The following FARS2 variants were observed in gnomAD, a reference collection of about 807,000 sequenced individuals.
The protein encoded by FARS2 is phenylalanyl-tRNA synthetase 2, mitochondrial.
A neutral mutation model predicts 46.4 loss-of-function variants in FARS2; 40 were observed. The observed-to-expected ratio is 0.86, with a 90% CI of 0.67 to 1.12. FARS2 has a LOEUF of 1.12. FARS2 is among the 50% of genes most tolerant of loss of function. FARS2 has a pLI of 0.00. For synonymous variants in FARS2, 234 were observed against 214.9 expected, an observed-to-expected ratio of 1.09 and a Z score of -0.78; for missense variants, 513 against 567.9, an observed-to-expected ratio of 0.90 and a Z score of 0.98.
intron 1 of FARS2, among the ~76,000 whole-genome samples, chr6:5,356,779 A>G (rs1259213058): frequency 6.6e-6 from 1 of 152,212 alleles, no homozygotes; most frequent in Non-Finnish European, 1.5e-5. Flanking sequence ...ACTGTTTGCT[A>G]ATTTAGCGGT....
At chr6:5,538,673 G>A (rs904155088) in intron 4 of FARS2, among the ~76,000 whole-genome samples, 3 of 152,126 alleles carry the variant, frequency 2.0e-5, no homozygotes, top group South Asian at 2.1e-4. Flanking sequence ...GAGTGGTCAC[G>A]TCCTTCACAG....
chr6:5,483,179 A>G (rs1303370802), intron 4 of FARS2, among the ~76,000 whole-genome samples: 1 of 152,240 alleles, frequency 6.6e-6, no homozygotes, highest in Non-Finnish European at 1.5e-5. Flanking sequence ...TATTCAGTGC[A>G]GTGGATACTA....
intron 6 of FARS2, among the ~76,000 whole-genome samples, chr6:5,615,121 T>C (rs1362867001): frequency 6.6e-6 from 1 of 152,242 alleles, no homozygotes; most frequent in Non-Finnish European, 1.5e-5. Context: ...TATCATTGTG[T>C]TTCACAAATT....
intron 6 of FARS2, among the ~76,000 whole-genome samples, chr6:5,632,950 ATCCTTCCTTCCCTCCCTCATTTTTTCCT>A (rs1776366635): frequency 6.7e-6 from 1 of 148,422 alleles, no homozygotes; most frequent in Non-Finnish European, 1.5e-5. Flanking sequence ...CCTTCCTTCC[ATCCTTCCTTCCCTCCCTCATTTTTTCCT>A]TCCTTCCATC....
rs554158863 is a variant in FARS2, at chr6:5,326,302, G to A, written c.-21-42248G>A. Among the ~76,000 whole-genome samples, 14 of 152,360 alleles carry A rather than the reference G, an allele frequency of 9.2e-5. No individual in the cohort carries two copies. The South Asian group carries it at 2.5e-3, about 27-fold the overall frequency. On this transcript the variant is annotated intron_variant, in intron 1 of 6. Coordinates refer to ENST00000274680, the MANE Select transcript of FARS2 (RefSeq NM_006567.5). The stretch of plus-strand genomic sequence containing the variant: ...AGCTCAAGGTACCTGGCTAGTGACT[G>A]AAAGGACATTTCTTCTGTTCTGAGT...
At chr6:5,750,151 G>A (rs1397555819) in intron 6 of FARS2, among the ~76,000 whole-genome samples, 1 of 152,090 alleles carries the variant, frequency 6.6e-6, no homozygotes, top group Non-Finnish European at 1.5e-5. Context: ...ATCATGATAC[G>A]ACAGCATGGC....
At chr6:5,535,147 T>C (rs1450604778) in intron 4 of FARS2, among the ~76,000 whole-genome samples, 1 of 152,240 alleles carries the variant, frequency 6.6e-6, no homozygotes, top group African/African-American at 2.4e-5. Context: ...ATGAGCTTAT[T>C]GGCCATTTGT....
At chr6:5,676,150 T>C (rs1160264995) in intron 6 of FARS2, among the ~76,000 whole-genome samples, 4 of 152,188 alleles carry the variant, frequency 2.6e-5, no homozygotes. Flanking sequence ...GCACAGCCCA[T>C]TTATGTACGC....
chr6:5,416,575 CTT>C (rs1762252349), intron 3 of FARS2, among the ~76,000 whole-genome samples: 1 of 152,016 alleles, frequency 6.6e-6, no homozygotes, highest in Non-Finnish European at 1.5e-5. Context: ...ATTCTTGTAA[CTT>C]TGTTCTTTTT....
At chr6:5,716,185 A>G (rs1355752544) in intron 6 of FARS2, among the ~76,000 whole-genome samples, 3 of 152,246 alleles carry the variant, frequency 2.0e-5, no homozygotes. Flanking sequence ...ACACTTTTAA[A>G]GAACATAACT....
At chr6:5,561,923 G>A (rs1485596403) in intron 5 of FARS2, among the ~76,000 whole-genome samples, 1 of 151,766 alleles carries the variant, frequency 6.6e-6, no homozygotes, top group Non-Finnish European at 1.5e-5. Context: ...ACTTAATAAT[G>A]TTTACTTTTT....
chr6:5,333,566 A>G (rs2127581613), intron 1 of FARS2, among the ~76,000 whole-genome samples: 1 of 152,330 alleles, frequency 6.6e-6, no homozygotes, highest in East Asian at 1.9e-4. Flanking sequence ...TTTAGATAGT[A>G]TGGACATGTC....
intron 4 of FARS2, among the ~76,000 whole-genome samples, chr6:5,466,358 C>T (rs1452136245): frequency 6.6e-6 from 1 of 152,136 alleles, no homozygotes; most frequent in African/African-American, 2.4e-5. Context: ...TCTCCGGTGC[C>T]ATTGTCATGC....
intron 2 of FARS2, among the ~76,000 whole-genome samples, chr6:5,399,454 G>A (rs1263691154): frequency 6.6e-6 from 1 of 152,042 alleles, no homozygotes; most frequent in Non-Finnish European, 1.5e-5. Flanking sequence ...GGGATTGCAG[G>A]TGTCAGGATT....
chr6:5,476,284 C>T (rs533644714), intron 4 of FARS2, among the ~76,000 whole-genome samples: 1 of 152,220 alleles, frequency 6.6e-6, no homozygotes, highest in South Asian at 2.1e-4. Context: ...CCCTTTGAGT[C>T]GTGTTTTCTA....
chr6:5,730,036 C>T (rs1322079284), intron 6 of FARS2, among the ~76,000 whole-genome samples: 1 of 152,192 alleles, frequency 6.6e-6, no homozygotes. Flanking sequence ...GCAAAATTCC[C>T]TTCAGATAAG....
chr6:5,267,476 C>T (rs186223391), intron 1 of FARS2, among the ~76,000 whole-genome samples: 30 of 152,098 alleles, frequency 2.0e-4, no homozygotes, highest in South Asian at 4.2e-4. Flanking sequence ...CCAGGCCAGG[C>T]GTGGTGGCTC....
At chr6:5,470,309 G>GAGATGATTTAA (rs761447497) in intron 4 of FARS2, among the ~76,000 whole-genome samples, 13 of 152,210 alleles carry the variant, frequency 8.5e-5, no homozygotes, top group Non-Finnish European at 1.5e-4. Flanking sequence ...AGTAGACGTA[G>GAGATGATTTAA]AGATGATTTA....
chr6:5,542,967 T>A (rs1582403683), intron 4 of FARS2, among the ~76,000 whole-genome samples: 1 of 152,230 alleles, frequency 6.6e-6, no homozygotes, highest in Admixed American at 6.5e-5. Flanking sequence ...TCAATCCTTT[T>A]AAATATTTGA....
Sources: gnomAD v4.1 joint callset for allele counts (sites outside exome capture counted in the v4.1 genomes callset) on GRCh38, gnomAD v4.1.1 for gene constraint, MANE v1.5 for transcripts, NCBI Gene and HGNC (gene_info 2026-07-23, HGNC 2026-07-21) for gene names.